CAMSAP1: variants seen among roughly 807,000 people sequenced by gnomAD.
CAMSAP1 encodes the protein calmodulin regulated spectrin associated protein 1.
Under a neutral mutation model 143.5 loss-of-function variants are expected in CAMSAP1, and 58 were observed. The observed-to-expected ratio is 0.40, with a 90% CI of 0.33 to 0.50. The LOEUF (loss-of-function observed/expected upper bound fraction) is 0.50, where lower values mean the gene tolerates loss of function less well. Among genes scored for constraint, CAMSAP1 ranks in the 20% least tolerant of loss-of-function variants. CAMSAP1 has a pLI of 0.45. For missense variants in CAMSAP1, 1,969 were observed against 2,115.7 expected, an observed-to-expected ratio of 0.93 and a Z score of 1.36; for synonymous variants, 945 against 859.3, an observed-to-expected ratio of 1.10 and a Z score of -1.74.
At position 135,826,107 on chromosome 9, in the gene CAMSAP1, G is replaced by A. The variant is rs773618464; in HGVS notation, c.1224-1227C>T. On this transcript the variant is annotated intron_variant, in intron 8 of 16. Transcript: ENST00000389532. This position sits in a 1 kb window ranked among gnomAD's most constrained non-coding sequence, Gnocchi z 4.4. ...AAACTGTGGCAGACGAGGATGCACC[G>A]AGTGGGAAAATTCTCACCACAGGCT... 3.9e-5 allele frequency: 6 copies of A among 152,216 alleles called. No homozygotes were observed. Among genetic ancestry groups the A allele is most frequent in the Non-Finnish European group, 8.8e-5 (6 of 68,110 alleles). The allele number at this position is 152,216 out of a possible 1,614,324, so 9.4% of individuals were successfully genotyped here.
chr9:135,885,126 T>C (rs1838082619), intron 1 of CAMSAP1, among the ~76,000 whole-genome samples: 1 of 152,188 alleles, frequency 6.6e-6, no homozygotes, highest in Non-Finnish European at 1.5e-5. Flanking sequence ...CCCATCTCGC[T>C]GCCTGCTCCA....
chr9:135,872,001 C>G (rs1463617713), intron 3 of CAMSAP1, among the ~76,000 whole-genome samples: 5 of 151,724 alleles, frequency 3.3e-5, no homozygotes, highest in African/African-American at 1.2e-4. Flanking sequence ...ACTCGGGAGG[C>G]TGGCAGGAGA....
chr9:135,875,375 AG>A, intron 3 of CAMSAP1, among the ~76,000 whole-genome samples: 1 of 151,982 alleles, frequency 6.6e-6, no homozygotes, highest in South Asian at 2.1e-4. Flanking sequence ...ATGCCTGGCT[AG>A]TTTTTTGTAT....
intron 11 of CAMSAP1, among the ~76,000 whole-genome samples, chr9:135,819,845 CA>C (rs1188572835): frequency 0.022 from 2,465 of 114,440 alleles, 59 homozygotes; most frequent in African/African-American, 0.07. Flanking sequence ...AGACTCTGTC[CA>C]AAAAAAAAAA....
At chr9:135,830,587 A>C (rs145780453) in intron 7 of CAMSAP1, among the ~76,000 whole-genome samples, 227 of 152,376 alleles carry the variant, frequency 1.5e-3, no homozygotes, top group African/African-American at 5.4e-3. Flanking sequence ...TAATAGCAGA[A>C]GGCTTCAATA....
Position 135,907,184 on chromosome 9 carries a change from G to C in CAMSAP1, c.-25C>G, listed in dbSNP as rs2131045896. ...TCTGCAGACAAAGGGCTGAGGCGGC[G>C]GCCCGGCCGCAACAAAGGCGCCGCC... is the stretch of plus-strand genomic sequence containing the variant. On this transcript the variant is annotated 5_prime_UTR_variant, in exon 1 of 17. Coordinates refer to ENST00000389532, the MANE Select transcript of CAMSAP1 (RefSeq NM_015447.4). The C allele has an allele frequency of 9.3e-7, 1 of 1,070,734 alleles. No homozygotes were observed. Among genetic ancestry groups the C allele is most frequent in the Non-Finnish European group, 1.1e-6 (1 of 884,822 alleles). The allele number at this position is 1,070,734 out of a possible 1,614,324, so 66.3% of individuals were successfully genotyped here.
chr9:135,836,451 C>T (rs1228385809), intron 7 of CAMSAP1: 1 of 984,592 alleles, frequency 1.0e-6, no homozygotes, highest in Non-Finnish European at 1.2e-6. Context: ...CTACCCTGTT[C>T]TACAGACACG....
At chr9:135,847,389 C>T (rs1836593818) in intron 7 of CAMSAP1, among the ~76,000 whole-genome samples, 3 of 151,786 alleles carry the variant, frequency 2.0e-5, no homozygotes, top group Admixed American at 6.6e-5. Context: ...AGTAAATCAT[C>T]CTACTATAAA....
At position 135,822,532 on chromosome 9, in the gene CAMSAP1, T is replaced by C; in HGVS notation, c.2129A>G (p.Asp710Gly). The change falls in exon 11 of 17, where the codon GAC (aspartate) becomes GGC (glycine). Residue 710 changes from aspartate (D) to glycine (G), a missense_variant. By Grantham distance (94) the Asp-to-Gly change is moderately conservative. This residue lies in a region of CAMSAP1 where 1,390 missense variants were observed against 1,420.8 expected (regional missense o/e 0.98). Transcript: ENST00000389532. This position sits in a 1 kb window ranked among gnomAD's most constrained non-coding sequence, Gnocchi z 6.1. ...FFLHVGRADE[D>G]TEGRLYVSCS... Reference sequence around the variant, plus strand: ...ACTAACATATAACCTTCCCTCGGTGTCTTCATCGGCCCTGCCTACATGAAG... The same window carrying C: ...ACTAACATATAACCTTCCCTCGGTGCCTTCATCGGCCCTGCCTACATGAAG... 2 of 1,613,808 alleles carry C rather than the reference T, an allele frequency of 1.2e-6. No homozygotes were observed. Among genetic ancestry groups the C allele is most frequent in the Non-Finnish European group, 1.7e-6 (2 of 1,179,852 alleles).
intron 5 of CAMSAP1, among the ~76,000 whole-genome samples, chr9:135,851,578 A>C (rs1019245231): frequency 6.6e-6 from 1 of 152,132 alleles, no homozygotes; most frequent in Non-Finnish European, 1.5e-5. Context: ...CACTGCCACA[A>C]ACCCTTTCCA....
intron 1 of CAMSAP1, among the ~76,000 whole-genome samples, chr9:135,893,787 GAGA>G (rs1482420423): frequency 6.6e-6 from 1 of 152,162 alleles, no homozygotes; most frequent in Non-Finnish European, 1.5e-5. Context: ...CAAAGACAAA[GAGA>G]AGATTTTTCA....
At position 135,820,700 on chromosome 9, in the gene CAMSAP1, C is replaced by G. The variant is rs1310929861; in HGVS notation, c.3822+139G>C. On this transcript the variant is annotated intron_variant, in intron 11 of 16. Transcript: ENST00000389532. The surrounding 1 kb of genome is among the most constrained non-coding windows in gnomAD (Gnocchi z 4.4). ...CTCGGGACAGAGACTCTGTGGCCCA[C>G]AAAGCTAAACACACACATCCCCTGG... The G allele has an allele frequency of 6.0e-6, 7 of 1,157,920 alleles. No homozygotes were observed. Among genetic ancestry groups the G allele is most frequent in the Non-Finnish European group, 8.4e-6 (7 of 833,070 alleles). The allele number at this position is 1,157,920 out of a possible 1,614,324, so 71.7% of individuals were successfully genotyped here. A position where few individuals can be genotyped will look rare whatever the true frequency, so the allele number is the denominator to read the frequency against.
At chr9:135,868,609 A>ATTTTTTTTTTTTTTTTTTTTTTTTTT (rs767495608) in intron 3 of CAMSAP1, among the ~76,000 whole-genome samples, 1 of 93,466 alleles carries the variant, frequency 1.1e-5, no homozygotes, top group Admixed American at 1.2e-4. Flanking sequence ...GAGATTGGCA[A>ATTTTTTTTTTTTTTTTTTTTTTTTTT]TTTTTTTTTT....
chr9:135,822,425 C>T lies in CAMSAP1; in HGVS notation c.2236G>A (p.Glu746Lys), dbSNP rs1010386133. 6.2e-7 allele frequency: 1 copy of T among 1,614,038 alleles called. No homozygotes were observed. Among genetic ancestry groups the T allele is most frequent in the African/African-American group, 1.3e-5 (1 of 75,066 alleles). The change falls in exon 11 of 17, where the codon GAG (glutamate) becomes AAG (lysine). Residue 746 changes from glutamate to lysine, a missense_variant. Physicochemically the swap from Glu to Lys is moderately conservative, Grantham distance 56. Around this residue, in one of 4 missense-constraint regions of CAMSAP1, gnomAD observed 1,390 missense variants for 1,420.8 expected, o/e 0.98. Coordinates refer to ENST00000389532, the MANE Select transcript of CAMSAP1 (RefSeq NM_015447.4). The surrounding 1 kb of genome is among the most constrained non-coding windows in gnomAD (Gnocchi z 6.1). ...CCCATGAAATCGTGCTCGGCTTCCT[C>T]TATGTCCACCACATCCGAGTCAGAA... ...QDSDSDVVDI[E>K]EAEHDFMGEA...
rs768768286 is a variant in CAMSAP1, at chr9:135,818,088, G to A, written c.4169-9C>T. Reference sequence around the variant, plus strand: ...CCGGCTCAAGTTATCAGCTGCCAGAGACAGAAACAGACGACGGTTCATGAA... The same window carrying A: ...CCGGCTCAAGTTATCAGCTGCCAGAAACAGAAACAGACGACGGTTCATGAA... On this transcript the variant is annotated splice_polypyrimidine_tract_variant and intron_variant, in intron 13 of 16. Transcript: ENST00000389532. The surrounding 1 kb of genome is among the most constrained non-coding windows in gnomAD (Gnocchi z 7.7). 1.9e-6 allele frequency: 3 copies of A among 1,612,862 alleles called. No homozygotes were observed. The highest frequency in any genetic ancestry group is 2.2e-5 in the South Asian group (2 of 91,052).
chr9:135,814,725 G>A (rs1170519912), intron 16 of CAMSAP1, among the ~76,000 whole-genome samples: 15 of 152,160 alleles, frequency 9.9e-5, no homozygotes, highest in Non-Finnish European at 1.9e-4. Context: ...TGCCTCCCTG[G>A]CTTCCCTGCT....
chr9:135,854,090 T>C (rs373933625), intron 5 of CAMSAP1, among the ~76,000 whole-genome samples: 9 of 152,246 alleles, frequency 5.9e-5, no homozygotes, highest in African/African-American at 2.2e-4. Flanking sequence ...TCTTTTCCTA[T>C]TATCTGGGAC....
chr9:135,838,914 C>A (rs375107905), intron 7 of CAMSAP1, among the ~76,000 whole-genome samples: 2 of 152,186 alleles, frequency 1.3e-5, no homozygotes, highest in Non-Finnish European at 2.9e-5. Flanking sequence ...CACGTCACCA[C>A]GCACTTTCTA....
intron 1 of CAMSAP1, among the ~76,000 whole-genome samples, chr9:135,885,342 G>A (rs529377122): frequency 2.0e-5 from 3 of 152,092 alleles, no homozygotes; most frequent in East Asian, 1.9e-4. Flanking sequence ...GGGGCACCTC[G>A]AGCCTAACCG....
Sources: allele counts gnomAD v4.1 joint callset (sites outside exome capture counted in the v4.1 genomes callset), GRCh38; gene constraint gnomAD v4.1.1; regional missense constraint gnomAD v4.1.1; non-coding constraint Gnocchi (gnomAD v3.1); transcripts MANE v1.5; gene names NCBI Gene and HGNC (gene_info 2026-07-23, HGNC 2026-07-21).